The following RNF8 variants were observed in gnomAD, a reference collection of about 807,000 sequenced individuals.
The protein encoded by RNF8 is E3 ubiquitin-protein ligase RNF8.
In RNF8, 8 loss-of-function variants were observed where a neutral mutation model predicts 59.3. The observed-to-expected ratio is 0.13, with a 90% CI of 0.08 to 0.24. The LOEUF is 0.24. Ranked by LOEUF, RNF8 falls within the 10% of genes least tolerant of loss-of-function variation. RNF8 has a pLI of 1.00. For missense variants in RNF8, 406 were observed against 572.6 expected (o/e 0.71, Z 2.97); for synonymous variants, 162 against 200.0 (o/e 0.81, Z 1.60).
chr6:37,371,603 G>A, intron 4 of RNF8, 29 bp downstream of exon 4: 3 of 1,594,440 alleles, frequency 1.9e-6, no homozygotes, highest in Non-Finnish European at 2.6e-6. Flanking sequence ...TAAGATTATA[G>A]TGGGCTGTGG....
chr6:37,363,706 A>G (rs542188934), intron 2 of RNF8, among the ~76,000 whole-genome samples: 1 of 152,354 alleles, frequency 6.6e-6, no homozygotes, highest in Non-Finnish European at 1.5e-5. Context: ...GGCATTATTC[A>G]TTAAAGTTGA....
intron 5 of RNF8, 70 bp downstream of exon 5, chr6:37,374,779 G>T: frequency 1.9e-6 from 2 of 1,074,296 alleles, no homozygotes; most frequent in African/African-American, 1.6e-5. Context: ...ACAGTGCAAG[G>T]GTTGCTAGGG....
intron 2 of RNF8, among the ~76,000 whole-genome samples, chr6:37,363,101 C>G (rs1432521314): frequency 6.6e-6 from 1 of 152,184 alleles, no homozygotes; most frequent in Non-Finnish European, 1.5e-5. Flanking sequence ...TCTCCTGTTG[C>G]TTTTCACCTG....
At chr6:37,363,507 A>T (rs1232492023) in intron 2 of RNF8, among the ~76,000 whole-genome samples, 1 of 152,248 alleles carries the variant, frequency 6.6e-6, no homozygotes, top group Non-Finnish European at 1.5e-5. Flanking sequence ...CTATCCAATG[A>T]AAAGTTGTTC....
At chr6:37,369,268 C>T (rs1266992393) in intron 3 of RNF8, 50 bp downstream of exon 3, 4 of 1,515,058 alleles carry the variant, frequency 2.6e-6, no homozygotes, top group Admixed American at 4.8e-5. Flanking sequence ...GTGGGGCAGG[C>T]ACTTCATGAG....
chr6:37,364,178 C>CCAAAAAA (rs1769453574), intron 2 of RNF8, among the ~76,000 whole-genome samples: 1 of 82,320 alleles, frequency 1.2e-5, no homozygotes, highest in South Asian at 4.1e-4. Context: ...GACTCTGTCT[C>CCAAAAAA]AAAAAAAAAA....
chr6:37,377,416 C>G (rs1770070414), intron 6 of RNF8, among the ~76,000 whole-genome samples: 1 of 152,132 alleles, frequency 6.6e-6, no homozygotes, highest in African/African-American at 2.4e-5. Flanking sequence ...GAAGCCTGGG[C>G]TACACAGGCT....
intron 7 of RNF8, among the ~76,000 whole-genome samples, chr6:37,385,576 G>A (rs894277468): frequency 1.3e-5 from 2 of 151,824 alleles, no homozygotes; most frequent in Admixed American, 6.6e-5. Flanking sequence ...GCAGTGAGCC[G>A]AGATCATGCC....
chr6:37,385,076 C>T (rs936256076), intron 7 of RNF8, among the ~76,000 whole-genome samples: 11 of 151,628 alleles, frequency 7.3e-5, no homozygotes, highest in Non-Finnish European at 1.3e-4. Context: ...TGCAATGGCG[C>T]GATCTCGGCT....
intron 6 of RNF8, among the ~76,000 whole-genome samples, chr6:37,379,515 A>C (rs1447958376): frequency 6.6e-6 from 1 of 152,218 alleles, no homozygotes; most frequent in Non-Finnish European, 1.5e-5. Flanking sequence ...CATAAACAAG[A>C]GTAACAAAGA....
At chr6:37,366,137 C>CTG (rs2113819645) in intron 2 of RNF8, among the ~76,000 whole-genome samples, 1 of 152,308 alleles carries the variant, frequency 6.6e-6, no homozygotes, top group South Asian at 2.1e-4. Context: ...CTCTCTTTAG[C>CTG]TGTGGACTGT....
At chr6:37,370,737 A>G (rs1254012611) in intron 3 of RNF8, among the ~76,000 whole-genome samples, 4 of 148,250 alleles carry the variant, frequency 2.7e-5, no homozygotes, top group African/African-American at 1.0e-4. Context: ...ATTGCCTGGT[A>G]CTAGGGAATT....
intron 1 of RNF8, among the ~76,000 whole-genome samples, chr6:37,358,014 G>T (rs1769183190): frequency 6.6e-6 from 1 of 152,202 alleles, no homozygotes. Context: ...GAAGAAATAT[G>T]ATGGGAAGCA....
At position 37,393,155 on chromosome 6, in the gene RNF8, C is replaced by G. The variant is rs947240481; in HGVS notation, c.*2397C>G. 2 of 152,290 alleles carry G rather than the reference C, an allele frequency of 1.3e-5. No individual in the cohort carries two copies. The highest frequency in any genetic ancestry group is 4.8e-5 in the African/African-American group (2 of 41,446). The allele number at this position is 152,290 out of a possible 1,614,324, so 9.4% of individuals were successfully genotyped here. On this transcript the variant is annotated 3_prime_UTR_variant, in exon 8 of 8. Coordinates refer to ENST00000373479, the MANE Select transcript of RNF8 (RefSeq NM_003958.4). ...TAAAAAGAGTAATAAATCAATACAA[C>G]AACATTAAAAGCCAGACTAGCGGAG...
At chr6:37,362,255 T>A (rs911324491) in intron 2 of RNF8, among the ~76,000 whole-genome samples, 5 of 152,194 alleles carry the variant, frequency 3.3e-5, no homozygotes, top group African/African-American at 1.2e-4. Flanking sequence ...TTAGCAGATT[T>A]TCATAGGTTG....
At chr6:37,361,006 A>C (rs1266278049) in intron 2 of RNF8, among the ~76,000 whole-genome samples, 1 of 152,148 alleles carries the variant, frequency 6.6e-6, no homozygotes, top group Non-Finnish European at 1.5e-5. Context: ...CACTCCTTTC[A>C]ATCTGAGCAA....
Position 37,393,119 on chromosome 6 carries a change from T to C in RNF8, c.*2361T>C, listed in dbSNP as rs1770770321. The stretch of plus-strand genomic sequence containing the variant: ...CACAACATCTAGGAAAGTGAGCTCT[T>C]AAAGACAGACTAAAAAGAGTAATAA... On this transcript the variant is annotated 3_prime_UTR_variant, in exon 8 of 8. Transcript: ENST00000373479. 6.5e-6 allele frequency: 1 copy of C among 152,918 alleles called. No individual in the cohort carries two copies. The highest frequency in any genetic ancestry group is 6.5e-5 in the Admixed American group (1 of 15,292). The allele number at this position is 152,918 out of a possible 1,614,324, so 9.5% of individuals were successfully genotyped here.
chr6:37,379,325 A>T (rs924618743), intron 6 of RNF8, among the ~76,000 whole-genome samples: 1 of 152,058 alleles, frequency 6.6e-6, no homozygotes, highest in African/African-American at 2.4e-5. Flanking sequence ...TTTTTATCAG[A>T]TAGGTTTTCA....
intron 6 of RNF8, among the ~76,000 whole-genome samples, chr6:37,380,486 C>T (rs1048526803): frequency 1.4e-4 from 22 of 151,780 alleles, no homozygotes; most frequent in African/African-American, 5.1e-4. Context: ...CTGGCTAACA[C>T]GGTGAAACCC....
Sources: gnomAD v4.1 joint callset for allele counts (sites outside exome capture counted in the v4.1 genomes callset) on GRCh38, gnomAD v4.1.1 for gene constraint, MANE v1.5 for transcripts, NCBI Gene and HGNC (gene_info 2026-07-23, HGNC 2026-07-21) for gene names.